Variants in INPP5D observed in about 807,000 individuals in gnomAD.
The protein encoded by INPP5D is phosphatidylinositol 3,4,5-trisphosphate 5-phosphatase 1.
In INPP5D, 33 loss-of-function variants were observed where a neutral mutation model predicts 122.9. The observed-to-expected ratio is 0.27, with a 90% confidence interval of 0.20 to 0.36. The LOEUF is 0.36. Ranked by LOEUF, INPP5D falls within the 10% of genes least tolerant of loss-of-function variation. The pLI is 1.00. For synonymous variants in INPP5D, 584 were observed against 576.2 expected (o/e 1.01, Z -0.19); for missense variants, 1,053 against 1,412.7 (o/e 0.75, Z 4.08).
Position 233,170,905 on chromosome 2 carries a change from C to CA in INPP5D, c.1901-140dup, listed in dbSNP as rs546215336. Among the ~76,000 whole-genome samples, 3,033 of 109,612 alleles carry CA rather than the reference C, an allele frequency of 0.028. 91 individuals carry two copies. Among genetic ancestry groups the CA allele is most frequent in the African/African-American group, 0.075 (2,118 of 28,144 alleles). The allele number at this position is 109,612 out of a possible 152,430, so 71.9% of individuals were successfully genotyped here. On this transcript the variant is annotated intron_variant, in intron 16 of 26. Transcript: ENST00000445964. This position sits in a 1 kb window ranked among gnomAD's most constrained non-coding sequence, Gnocchi z 4.5. ...TGGCCAACAAAGACAGACTCCGTCT[C>CA]AAAAAAAAAAAAAAAAAAAGCAGCA...
At chr2:233,166,774 C>G (rs1694353004) in intron 13 of INPP5D, among the ~76,000 whole-genome samples, 1 of 152,198 alleles carries the variant, frequency 6.6e-6, no homozygotes, top group Non-Finnish European at 1.5e-5. Flanking sequence ...CACTTGAAGT[C>G]AGGAGTTCGA....
intron 5 of INPP5D, among the ~76,000 whole-genome samples, chr2:233,132,090 C>T (rs1693344042): frequency 6.6e-6 from 1 of 152,140 alleles, no homozygotes; most frequent in African/African-American, 2.4e-5. Flanking sequence ...TTATAGATTC[C>T]CATGGAGGGA....
At chr2:233,143,332 A>G (rs1693668573) in intron 6 of INPP5D, among the ~76,000 whole-genome samples, 3 of 152,164 alleles carry the variant, frequency 2.0e-5, no homozygotes, top group Admixed American at 6.5e-5. Context: ...AAAAGTCACA[A>G]ATCCAAAGAG....
At position 233,175,043 on chromosome 2, in the gene INPP5D, A is replaced by G. The variant is rs140971744; in HGVS notation, c.1990-2222A>G. Among the ~76,000 whole-genome samples the G allele has an allele frequency of 2.0e-3, 303 of 151,772 alleles. 4 individuals are homozygous for G. In the East Asian group the frequency reaches 0.035, roughly 17 times the overall value. Reference sequence around the variant, plus strand: ...GGAGTTCCAGACCAGTCTGGCCAACACCGCGAAACCCGTCTCTATACAAAA... The same window carrying G: ...GGAGTTCCAGACCAGTCTGGCCAACGCCGCGAAACCCGTCTCTATACAAAA... On this transcript the variant is annotated intron_variant, in intron 17 of 26. Coordinates refer to ENST00000445964, the MANE Select transcript of INPP5D (RefSeq NM_001017915.3).
intron 5 of INPP5D, chr2:233,130,869 T>C (rs150314669): frequency 2.9e-6 from 2 of 692,070 alleles, no homozygotes; most frequent in Non-Finnish European, 5.2e-6. Context: ...TTTTTACAAC[T>C]AAAGTTAATT....
chr2:233,153,266 C>T (rs941138933), intron 9 of INPP5D, among the ~76,000 whole-genome samples: 4 of 152,218 alleles, frequency 2.6e-5, no homozygotes, highest in Admixed American at 2.6e-4. Context: ...CTGATCGTAG[C>T]AGACTGGAAA....
At chr2:233,084,471 G>A (rs909487904) in intron 2 of INPP5D, among the ~76,000 whole-genome samples, 12 of 152,216 alleles carry the variant, frequency 7.9e-5, no homozygotes, top group African/African-American at 2.2e-4. Flanking sequence ...GAGCCATTCC[G>A]GTGAGTTCTA....
intron 4 of INPP5D, among the ~76,000 whole-genome samples, chr2:233,127,929 T>C (rs1693211244): frequency 6.6e-6 from 1 of 152,166 alleles, no homozygotes; most frequent in African/African-American, 2.4e-5. Context: ...TTTTAACAAA[T>C]AGAACTGCCT....
intron 2 of INPP5D, among the ~76,000 whole-genome samples, chr2:233,106,502 A>G (rs567453796): frequency 8.5e-5 from 13 of 152,210 alleles, no homozygotes; most frequent in Non-Finnish European, 1.3e-4. Flanking sequence ...GCCAAGCCCA[A>G]CATCAGTGGG....
chr2:233,106,825 G>A (rs368161850), intron 2 of INPP5D, among the ~76,000 whole-genome samples: 3 of 152,316 alleles, frequency 2.0e-5, no homozygotes, highest in African/African-American at 7.2e-5. Context: ...CAAATACCCA[G>A]AGCACCTGCT....
At chr2:233,072,973 C>A (rs1338048037) in intron 1 of INPP5D, among the ~76,000 whole-genome samples, 1 of 152,222 alleles carries the variant, frequency 6.6e-6, no homozygotes, top group African/African-American at 2.4e-5. Context: ...GCTGTGTCAC[C>A]AGAACCTGGC....
Position 233,177,363 on chromosome 2 carries a change from G to T in INPP5D, c.2071+17G>T, listed in dbSNP as rs1352923352. The T allele has an allele frequency of 3.1e-6, 5 of 1,613,548 alleles. No individual in the cohort carries two copies. Among genetic ancestry groups the T allele is most frequent in the Non-Finnish European group, 4.2e-6 (5 of 1,179,734 alleles). ...AGTCTTATGGTGAGTTCAAACACTG[G>T]GGAAAGCAGAACAGGATCAGAGAAT... On this transcript the variant is annotated intron_variant, in intron 18 of 26. Coordinates refer to ENST00000445964, the MANE Select transcript of INPP5D (RefSeq NM_001017915.3). The surrounding 1 kb of genome is among the most constrained non-coding windows in gnomAD (Gnocchi z 4.2).
At chr2:233,155,704 T>C (rs1427169727) in intron 9 of INPP5D, among the ~76,000 whole-genome samples, 3 of 151,806 alleles carry the variant, frequency 2.0e-5, no homozygotes, top group African/African-American at 4.8e-5. Flanking sequence ...ATCAAAATAA[T>C]AAGTGTCAGT....
chr2:233,074,397 A>G (rs1574704339), intron 1 of INPP5D, among the ~76,000 whole-genome samples: 1 of 152,192 alleles, frequency 6.6e-6, no homozygotes, highest in African/African-American at 2.4e-5. Context: ...GGCCAGCCTC[A>G]CCTCCATCTC....
rs767825366 is a variant in INPP5D, at chr2:233,204,188, A to T, written c.3038A>T (p.Lys1013Met). The change falls in exon 26 of 27, where the codon AAG becomes ATG. Residue 1013 changes from lysine (K) to methionine (M), a missense_variant. Physicochemically the swap from Lys to Met is moderately conservative, Grantham distance 95. Around this residue, in one of 6 missense-constraint regions of INPP5D, gnomAD observed 417 missense variants for 425.8 expected, o/e 0.98. Transcript: ENST00000445964. ...CCTCAGGAGGACCTGCCGCTGACGA[A>T]GCCCGAGATGTTTGAGAACCCCCTG... ...TLPQEDLPLT[K>M]PEMFENPLYG... The T allele has an allele frequency of 1.2e-6, 2 of 1,610,522 alleles. No homozygotes were observed. The highest frequency in any genetic ancestry group is 1.7e-6 in the Non-Finnish European group (2 of 1,178,560).
chr2:233,089,420 A>T (rs1316349660), intron 2 of INPP5D, among the ~76,000 whole-genome samples: 1 of 152,200 alleles, frequency 6.6e-6, no homozygotes, highest in African/African-American at 2.4e-5. Flanking sequence ...AACTTGTGAC[A>T]GAAGAGGGAT....
rs1179749371 is a variant in INPP5D at position 233,145,979 on chromosome 2, T to C, written c.754-183T>C. On this transcript the variant is annotated intron_variant, in intron 6 of 26. Transcript: ENST00000445964. ...GAAATGAAGATCTATTTTTTGGCCATGTGAATTCTGAGAAGATTGTAGAGA... is the reference window on the plus strand; with the variant it reads ...GAAATGAAGATCTATTTTTTGGCCACGTGAATTCTGAGAAGATTGTAGAGA... The C allele has an allele frequency of 3.6e-5, 25 of 699,404 alleles. No individual in the cohort carries two copies. In the East Asian group the frequency reaches 5.9e-4, roughly 17 times the overall value. 43.3% of individuals were successfully genotyped at this position (699,404 alleles called of 1,614,324 possible).
intron 9 of INPP5D, among the ~76,000 whole-genome samples, chr2:233,148,935 G>A (rs577063977): frequency 1.1e-3 from 162 of 152,112 alleles, no homozygotes; most frequent in African/African-American, 3.8e-3. Flanking sequence ...AATACAGGAG[G>A]CCCAGTAAAA....
At chr2:233,113,715 A>G (rs1692699289) in intron 2 of INPP5D, among the ~76,000 whole-genome samples, 1 of 152,078 alleles carries the variant, frequency 6.6e-6, no homozygotes, top group African/African-American at 2.4e-5. Context: ...GCCCTGTTCG[A>G]TGGGCTAATC....
Sources: allele counts gnomAD v4.1 joint callset (sites outside exome capture counted in the v4.1 genomes callset), GRCh38; gene constraint gnomAD v4.1.1; regional missense constraint gnomAD v4.1.1; non-coding constraint Gnocchi (gnomAD v3.1); transcripts MANE v1.5; gene names NCBI Gene and HGNC (gene_info 2026-07-23, HGNC 2026-07-21).